Variants in SYNE2 observed in about 807,000 individuals in gnomAD.
SYNE2 encodes nesprin-2.
A neutral mutation model predicts 856.3 loss-of-function variants in SYNE2; 431 were observed. The observed-to-expected ratio is 0.50, with a 90% CI of 0.47 to 0.55. SYNE2 has a LOEUF of 0.55. Among genes scored for constraint, SYNE2 ranks in the 20% least tolerant of loss-of-function variants. The pLI, the probability that SYNE2 is intolerant of heterozygous loss-of-function variation, is 0.00. For synonymous variants in SYNE2, 2,923 were observed against 2,872.3 expected (o/e 1.02, Z -0.56); for missense variants, 8,129 against 8,023.2 (o/e 1.01, Z -0.50).
rs1190059554 is a variant in SYNE2 at position 63,814,767 on chromosome 14, CAT to C, written c.-304-37725_-304-37724del. ...ATCCATATATATCCATATATATATCCATATATATATCCATATATATCCATATA... is the reference window on the plus strand; with the variant it reads ...ATCCATATATATCCATATATATATCCATATATATCCATATATATCCATATA... On this transcript the variant is annotated intron_variant, in intron 1 of 23. Coordinates refer to the SYNE2 transcript ENST00000674003. 2.0e-4 allele frequency among the ~76,000 whole-genome samples: 18 copies of C among 92,206 alleles called. No individual in the cohort carries two copies. In the East Asian group the frequency reaches 4.6e-3, roughly 23 times the overall value. The allele number at this position is 92,206 out of a possible 152,430, so 60.5% of individuals were successfully genotyped here.
intron 1 of SYNE2, among the ~76,000 whole-genome samples, chr14:63,813,417 C>G (rs2139833187): frequency 6.6e-6 from 1 of 152,332 alleles, no homozygotes; most frequent in African/African-American, 2.4e-5. Flanking sequence ...AATTAATCTA[C>G]TTTCCTCCAA....
Position 63,881,209 on chromosome 14 carries a change from G to A in SYNE2, c.-51-27889G>A, listed in dbSNP as rs143693783. Reference sequence around the variant, plus strand: ...GGCTAGGCTGGTCCTGAACTCCTGGGCTCAAGCAGTCTGCCCGCCTTGGCT... The same window carrying A: ...GGCTAGGCTGGTCCTGAACTCCTGGACTCAAGCAGTCTGCCCGCCTTGGCT... On this transcript the variant is annotated intron_variant, in intron 1 of 115. Transcript: ENST00000555002. Among the ~76,000 whole-genome samples, 171 of 151,886 alleles carry A rather than the reference G, an allele frequency of 1.1e-3. 2 individuals carry two copies. The South Asian group carries it at 0.016, about 14-fold the overall frequency.
chr14:64,099,136 G>A, intron 63 of SYNE2: 1 of 362,592 alleles, frequency 2.8e-6, no homozygotes, highest in South Asian at 2.6e-5. Context: ...TGGCACTCCT[G>A]GTCTCATTTT....
chr14:64,187,500 T>A (rs1317405713), intron 97 of SYNE2, among the ~76,000 whole-genome samples: 2 of 152,194 alleles, frequency 1.3e-5, no homozygotes, highest in Admixed American at 1.3e-4. Context: ...AGAATGACAA[T>A]GTGCAAAATG....
chr14:64,115,535 C>T (rs1261609896), intron 66 of SYNE2, among the ~76,000 whole-genome samples: 1 of 152,082 alleles, frequency 6.6e-6, no homozygotes, highest in African/African-American at 2.4e-5. Flanking sequence ...TAGTCTTATC[C>T]GTGGCTGGCA....
intron 11 of SYNE2, among the ~76,000 whole-genome samples, chr14:63,972,045 G>A (rs1388007579): frequency 6.6e-6 from 1 of 152,172 alleles, no homozygotes; most frequent in East Asian, 1.9e-4. Context: ...CATTTACTAA[G>A]TGTATTAAAT....
chr14:64,122,258 C>G, intron 69 of SYNE2, 28 bp from the exon 70 acceptor site: 1 of 1,614,086 alleles, frequency 6.2e-7, no homozygotes, highest in Non-Finnish European at 8.5e-7. Context: ...GTTGATTATT[C>G]TCTTCACCTT....
At chr14:64,146,822 G>A (rs1334118774) in intron 84 of SYNE2, among the ~76,000 whole-genome samples, 4 of 152,280 alleles carry the variant, frequency 2.6e-5, no homozygotes, top group Admixed American at 1.3e-4. Flanking sequence ...TCGCCATCAC[G>A]GCAGGCGGCA....
chr14:64,056,330 T>C, intron 49 of SYNE2, 64 bp downstream of exon 49: 1 of 1,387,404 alleles, frequency 7.2e-7, no homozygotes, highest in Non-Finnish European at 9.9e-7. Context: ...ATAATTAAAC[T>C]ATATTTTAAT....
Position 64,142,015 on chromosome 14 carries a change from A to C in SYNE2, c.15233A>C (p.Gln5078Pro), listed in dbSNP as rs751092033. ...AGCTGGATGAACAATGTGGAGCATCAAACTTCAGATGAAGACTCCGTGCAT... is the reference window on the plus strand; with the variant it reads ...AGCTGGATGAACAATGTGGAGCATCCAACTTCAGATGAAGACTCCGTGCAT... ...MISWMNNVEH[Q>P]TSDEDSVHSP... The change falls in exon 82 of 116, where the codon CAA becomes CCA. Residue 5078 changes from glutamine (Q) to proline (P), a missense_variant. Physicochemically the swap from Gln to Pro is moderately conservative, Grantham distance 76 (BLOSUM62 -1). Transcript: ENST00000555002. The C allele has an allele frequency of 1.1e-5, 18 of 1,614,162 alleles. No homozygotes were observed. Among genetic ancestry groups the C allele is most frequent in the Non-Finnish European group, 1.5e-5 (18 of 1,180,006 alleles).
chr14:64,092,846 C>G (rs142666137), intron 60 of SYNE2, among the ~76,000 whole-genome samples: 290 of 152,218 alleles, frequency 1.9e-3, no homozygotes, highest in Non-Finnish European at 3.6e-3. Flanking sequence ...ATCACTGATC[C>G]CAAGGGGTAC....
Position 64,002,763 on chromosome 14 carries a change from G to T in SYNE2, c.3830G>T (p.Arg1277Leu), listed in dbSNP as rs367549881. ...GCAAAACAGATTGAAATATGTAACC[G>T]CTTAGAAGAGCCAGGCAACTTTGTA... ...SIAKQIEICN[R>L]LEEPGNFVLK... The change falls in exon 30 of 116, where the codon CGC becomes CTC. Residue 1277 changes from arginine (R) to leucine (L), a missense_variant. Arg to Leu is a moderately radical substitution (Grantham distance 102). Transcript: ENST00000555002. 1 of 1,613,520 alleles carries T rather than the reference G, an allele frequency of 6.2e-7. No homozygotes were observed. The highest frequency in any genetic ancestry group is 8.5e-7 in the Non-Finnish European group (1 of 1,179,898).
At position 64,080,532 on chromosome 14, in the gene SYNE2, A is replaced by G. The variant is rs1329533297; in HGVS notation, c.11240A>G (p.Gln3747Arg). 1.2e-6 allele frequency: 2 copies of G among 1,614,110 alleles called. No individual in the cohort carries two copies. The highest frequency in any genetic ancestry group is 1.3e-5 in the African/African-American group (1 of 74,934). The change falls in exon 56 of 116, where the codon CAG (glutamine) becomes CGG (arginine). Residue 3747 changes from glutamine to arginine, a missense_variant. Coordinates refer to ENST00000555002, the MANE Select transcript of SYNE2 (RefSeq NM_182914.3). The part of the protein sequence containing the change: ...LDSEVQDIVE[Q>R]DPGQAQEWMD... ...TCTGAAGTTCAGGACATTGTTGAAC[A>G]GGACCCAGGACAGGCTCAAGAATGG...
chr14:63,908,341 T>C (rs538733985), intron 1 of SYNE2, among the ~76,000 whole-genome samples: 1 of 152,356 alleles, frequency 6.6e-6, no homozygotes, highest in Middle Eastern at 3.4e-3. Context: ...TATTTTTATA[T>C]GCTTGGTTAG....
At chr14:64,167,408 T>C (rs1416938434) in intron 91 of SYNE2, 21 bp downstream of exon 91, 1 of 1,614,104 alleles carries the variant, frequency 6.2e-7, no homozygotes, top group Non-Finnish European at 8.5e-7. Context: ...CCCTTCTCTG[T>C]CGTTGTTTCA....
chr14:64,025,585 G>C (rs1567087203), intron 41 of SYNE2, among the ~76,000 whole-genome samples, 164 bp downstream of exon 41: 1 of 152,312 alleles, frequency 6.6e-6, no homozygotes, highest in South Asian at 2.1e-4. Flanking sequence ...GGTTGTGACG[G>C]ATCTAAAATT....
intron 30 of SYNE2, among the ~76,000 whole-genome samples, chr14:64,006,800 G>A (rs562096445): frequency 1.3e-5 from 2 of 152,214 alleles, no homozygotes; most frequent in South Asian, 2.1e-4. Flanking sequence ...TGCACTCAGC[G>A]TAGGTGACAG....
chr14:63,899,243 T>C (rs946888117), intron 1 of SYNE2, among the ~76,000 whole-genome samples: 2 of 151,978 alleles, frequency 1.3e-5, no homozygotes, highest in Non-Finnish European at 1.5e-5. Context: ...GCTCCGTGTG[T>C]GTAAGTGGAG....
intron 1 of SYNE2, among the ~76,000 whole-genome samples, chr14:63,880,740 A>G (rs758889606): frequency 4.2e-5 from 6 of 143,860 alleles, no homozygotes; most frequent in Non-Finnish European, 7.5e-5. Context: ...TGGTGTAATC[A>G]TGGCTCCCTG....
Sources: allele counts gnomAD v4.1 joint callset (sites outside exome capture counted in the v4.1 genomes callset), GRCh38; gene constraint gnomAD v4.1.1; transcripts MANE v1.5; gene names NCBI Gene and HGNC (gene_info 2026-07-23, HGNC 2026-07-21).